The following CHD6 variants were observed in gnomAD, a reference collection of about 807,000 sequenced individuals.
CHD6 encodes the protein ATP-dependent chromatin remodeler CHD6.
In CHD6, 50 loss-of-function variants were observed where a neutral mutation model predicts 276.9. That is an observed-to-expected ratio of 0.18 (90% CI 0.14 to 0.23). CHD6 has a LOEUF of 0.23. Among genes scored for constraint, CHD6 ranks in the 10% least tolerant of loss-of-function variants. The probability of loss-of-function intolerance (pLI) is 1.00; values close to 1 mark genes in which losing one functional copy is unlikely to be tolerated. For synonymous variants in CHD6, 1,173 were observed against 1,229.3 expected, an observed-to-expected ratio of 0.95 and a Z score of 0.96; for missense variants, 2,564 against 3,365.8, an observed-to-expected ratio of 0.76 and a Z score of 5.89.
chr20:41,564,934 CAA>C (rs2146194035), intron 1 of CHD6, among the ~76,000 whole-genome samples: 1 of 152,106 alleles, frequency 6.6e-6, no homozygotes, highest in South Asian at 2.1e-4. Context: ...CAAAAATTAT[CAA>C]AGTTTGTTTG....
intron 5 of CHD6, among the ~76,000 whole-genome samples, chr20:41,510,984 GA>G (rs1301623251): frequency 1.3e-5 from 2 of 152,122 alleles, no homozygotes; most frequent in Admixed American, 6.5e-5. Flanking sequence ...ACCATGACAT[GA>G]AATCAACTGT....
chr20:41,490,100 C>A, intron 11 of CHD6, 79 bp from the exon 12 acceptor site: 1 of 1,119,658 alleles, frequency 8.9e-7, no homozygotes, highest in Non-Finnish European at 1.3e-6. Context: ...TGAAAAGATG[C>A]TTCACATACC....
intron 2 of CHD6, among the ~76,000 whole-genome samples, chr20:41,548,133 T>C (rs1048207252): frequency 3.9e-5 from 6 of 152,262 alleles, no homozygotes; most frequent in African/African-American, 9.6e-5. Context: ...AACATCATTT[T>C]CTATTTTCAT....
intron 1 of CHD6, among the ~76,000 whole-genome samples, chr20:41,611,956 T>G (rs1406603716): frequency 6.6e-6 from 1 of 152,272 alleles, no homozygotes; most frequent in East Asian, 1.9e-4. Flanking sequence ...ATTTCTAACA[T>G]GCTCCAAAGT....
chr20:41,484,250 C>G, intron 15 of CHD6, 102 bp downstream of exon 15: 1 of 1,381,844 alleles, frequency 7.2e-7, no homozygotes. Context: ...TGCGTACATC[C>G]TAGCATATAA....
In CHD6 at chr20:41,405,478, T is replaced by C. The variant is rs771936986; in HGVS notation, c.7263A>G (p.Pro2421=). The C allele has an allele frequency of 8.4e-6, 13 of 1,550,586 alleles. No individual in the cohort carries two copies. The East Asian group carries it at 1.6e-4, about 19-fold the overall frequency. Residue 2421 remains proline, a synonymous_variant, in exon 37 of 37, where the codon CCA becomes CCG. Coordinates refer to ENST00000373233, the MANE Select transcript of CHD6 (RefSeq NM_032221.5). ...CCAGAGTGTGATTGAACTTGTTTTCTGGAAGAAACCCCTGGAAAAACAAAG... is the reference window on the plus strand; with the variant it reads ...CCAGAGTGTGATTGAACTTGTTTTCCGGAAGAAACCCCTGGAAAAACAAAG... ...PKEPGLRGFL[P]ENKFNHTLAE... is the part of the protein sequence containing the mutation.
rs754986902 is a variant in CHD6, at chr20:41,423,676, G to T, written c.4371C>A (p.Asp1457Glu). 1.3e-5 allele frequency: 21 copies of T among 1,614,066 alleles called. No homozygotes were observed. The highest frequency in any genetic ancestry group is 3.3e-5 in the South Asian group (3 of 91,092). Residue 1457 changes from aspartate (D) to glutamate (E), a missense_variant, in exon 30 of 37, where the codon GAC becomes GAA. By Grantham distance (45) the Asp-to-Glu change is conservative (BLOSUM62 2). Transcript: ENST00000373233. ...QKRWTRREQA[D>E]FYRTVSSFGV... ...CAAAGGAAGACACTGTTCTATAGAA[G>T]TCTGCTTGTTCTCTCCTAGTCCACC...
chr20:41,554,959 G>C (rs1395790900), intron 1 of CHD6, among the ~76,000 whole-genome samples: 1 of 151,494 alleles, frequency 6.6e-6, no homozygotes, highest in Non-Finnish European at 1.5e-5. Flanking sequence ...AGGGGCAGCC[G>C]GGCAGAGGCG....
At chr20:41,483,268 C>T in intron 16 of CHD6, 41 bp downstream of exon 16, 1 of 1,510,242 alleles carries the variant, frequency 6.6e-7, no homozygotes, top group Non-Finnish European at 8.9e-7. Context: ...AGGAAAGGAA[C>T]TGTCCCATTG....
At chr20:41,566,735 A>C (rs886152139) in intron 1 of CHD6, among the ~76,000 whole-genome samples, 3 of 152,146 alleles carry the variant, frequency 2.0e-5, no homozygotes, top group Admixed American at 6.5e-5. Flanking sequence ...CCTTTTCCCA[A>C]GTACAATCCC....
rs902464298 is a variant in CHD6 at position 41,403,843 on chromosome 20, C to T, written c.*750G>A. 2 of 1,056,986 alleles carry T rather than the reference C, an allele frequency of 1.9e-6. No homozygotes were observed. Among genetic ancestry groups the T allele is most frequent in the South Asian group, 4.6e-5 (1 of 21,906 alleles). The allele number at this position is 1,056,986 out of a possible 1,614,324, so 65.5% of individuals were successfully genotyped here. A position where few individuals can be genotyped will look rare whatever the true frequency, so the allele number is the denominator to read the frequency against. On this transcript the variant is annotated 3_prime_UTR_variant, in exon 37 of 37. Transcript: ENST00000373233. ...GCGCGGGTCCTTGCCCCACCCCCGT[C>T]GACAGCAATAACTCATGGTGGGTAA...
At chr20:41,582,462 C>A (rs1414788816) in intron 1 of CHD6, among the ~76,000 whole-genome samples, 1 of 152,166 alleles carries the variant, frequency 6.6e-6, no homozygotes, top group African/African-American at 2.4e-5. Flanking sequence ...GCTGAATATT[C>A]TATATGCACA....
At chr20:41,413,109 T>C (rs938394219) in intron 35 of CHD6, among the ~76,000 whole-genome samples, 4 of 152,240 alleles carry the variant, frequency 2.6e-5, no homozygotes, top group Non-Finnish European at 5.9e-5. Flanking sequence ...CTTTTTGGCA[T>C]AGTATTTTGA....
intron 2 of CHD6, among the ~76,000 whole-genome samples, chr20:41,551,049 T>C (rs2045138003): frequency 6.6e-6 from 1 of 152,252 alleles, no homozygotes; most frequent in Admixed American, 6.5e-5. Context: ...GAAATGTTTC[T>C]CTTCTACTTG....
At position 41,516,871 on chromosome 20, in the gene CHD6, C is replaced by T. The variant is rs1015958065; in HGVS notation, c.555-1919G>A. 8.5e-5 allele frequency among the ~76,000 whole-genome samples: 13 copies of T among 152,198 alleles called. No individual in the cohort carries two copies. In the South Asian group the frequency reaches 2.3e-3, roughly 27 times the overall value. On this transcript the variant is annotated intron_variant, in intron 3 of 36. Transcript: ENST00000373233. ...CAGCAGGAGTAGAACCAGGAAGTCT[C>T]GGCAAGTGACAGAAAGTGGGGAACA...
intron 2 of CHD6, among the ~76,000 whole-genome samples, chr20:41,544,211 G>A (rs924718795): frequency 5.3e-5 from 8 of 152,120 alleles, no homozygotes; most frequent in Non-Finnish European, 1.2e-4. Flanking sequence ...CTACACTCCA[G>A]CCTGGGCAAC....
chr20:41,432,160 C>CA (rs572447937), intron 27 of CHD6, among the ~76,000 whole-genome samples: 6,003 of 58,796 alleles, frequency 0.1, 537 homozygotes, highest in African/African-American at 0.25. Context: ...AACTCCGTCT[C>CA]AAAAAAAAAA....
intron 17 of CHD6, among the ~76,000 whole-genome samples, chr20:41,459,871 G>C (rs2048491057): frequency 6.6e-6 from 1 of 152,240 alleles, no homozygotes; most frequent in African/African-American, 2.4e-5. Context: ...CTTTGGAACT[G>C]GGTAATAGGC....
intron 1 of CHD6, among the ~76,000 whole-genome samples, chr20:41,612,750 T>C (rs1022553569): frequency 2.0e-5 from 3 of 152,216 alleles, no homozygotes; most frequent in Admixed American, 2.0e-4. Flanking sequence ...GATATATTTC[T>C]TTACTCATAT....
Sources: gnomAD v4.1 joint callset for allele counts (sites outside exome capture counted in the v4.1 genomes callset) on GRCh38, gnomAD v4.1.1 for gene constraint, MANE v1.5 for transcripts, NCBI Gene and HGNC (gene_info 2026-07-23, HGNC 2026-07-21) for gene names.